Variants in PRR16 observed in about 807,000 individuals in gnomAD.
PRR16 encodes the protein protein Largen.
PRR16 carries 6 observed loss-of-function variants against 18.2 expected under a neutral mutation model. The ratio of observed to expected loss-of-function variants is 0.33; its 90% CI spans 0.18 to 0.65. The LOEUF (loss-of-function observed/expected upper bound fraction) is 0.65, where lower values mean the gene tolerates loss of function less well. Among genes scored for constraint, PRR16 ranks in the 30% least tolerant of loss-of-function variants. The probability of loss-of-function intolerance (pLI) is 0.74; values close to 1 mark genes in which losing one functional copy is unlikely to be tolerated. For missense variants in PRR16, 412 were observed against 376.6 expected (o/e 1.09, Z -0.78); for synonymous variants, 151 against 147.8 (o/e 1.02, Z -0.16).
chr5:120,662,863 G>A (rs185665481), intron 1 of PRR16, among the ~76,000 whole-genome samples: 2 of 152,196 alleles, frequency 1.3e-5, no homozygotes, highest in African/African-American at 4.8e-5. Flanking sequence ...GAATAGGGGT[G>A]GAGGACAATC....
chr5:120,632,353 C>T (rs973188024), intron 1 of PRR16, among the ~76,000 whole-genome samples: 1 of 151,890 alleles, frequency 6.6e-6, no homozygotes, highest in African/African-American at 2.4e-5. Flanking sequence ...ACCAGCTCAC[C>T]AGCAATATAT....
At chr5:120,775,389 C>T in the PRR16 span, among the ~76,000 whole-genome samples, 4 of 152,092 alleles carry the variant, frequency 2.6e-5, no homozygotes, top group Non-Finnish European at 5.9e-5. Context: ...TCATTTTCAA[C>T]TTCAATTATT....
chr5:120,464,449 G>A lies in PRR16; in HGVS notation c.-38G>A. The A allele has an allele frequency of 6.5e-7, 1 of 1,532,294 alleles. No individual in the cohort carries two copies. Among genetic ancestry groups the A allele is most frequent in the Non-Finnish European group, 8.7e-7 (1 of 1,143,666 alleles). The allele number at this position is 1,532,294 out of a possible 1,614,324, so 94.9% of individuals were successfully genotyped here. On this transcript the variant is annotated 5_prime_UTR_variant, in exon 1 of 2. Coordinates refer to ENST00000407149, the MANE Select transcript of PRR16 (RefSeq NM_001300783.2). ...CGGGGGCACGCAGCAGCCTCCGCTC[G>A]CCCGCCTGTCCTGACCTGCCTCGCT...
the PRR16 span, among the ~76,000 whole-genome samples, chr5:120,723,580 A>G: frequency 6.6e-6 from 1 of 152,020 alleles, no homozygotes; most frequent in Non-Finnish European, 1.5e-5. Flanking sequence ...ATTTGACAAT[A>G]CAAGTCATTT....
the PRR16 span, among the ~76,000 whole-genome samples, chr5:120,756,856 A>G: frequency 2.0e-5 from 3 of 152,046 alleles, no homozygotes; most frequent in African/African-American, 7.2e-5. Context: ...AACTTAGTAT[A>G]AATTCTTTCC....
the PRR16 span, among the ~76,000 whole-genome samples, chr5:120,739,470 A>G: frequency 6.6e-6 from 1 of 152,152 alleles, no homozygotes; most frequent in East Asian, 1.9e-4. Context: ...CTTTAAAACA[A>G]AGACAGTTGC....
At chr5:120,591,932 A>G (rs2112775646) in intron 1 of PRR16, among the ~76,000 whole-genome samples, 1 of 152,304 alleles carries the variant, frequency 6.6e-6, no homozygotes, top group African/African-American at 2.4e-5. Flanking sequence ...ACATGCTGAA[A>G]CAGTTTTGTA....
At chr5:120,703,995 T>C in the PRR16 span, among the ~76,000 whole-genome samples, 1 of 152,356 alleles carries the variant, frequency 6.6e-6, no homozygotes, top group African/African-American at 2.4e-5. Context: ...TAGATACTGA[T>C]GATACAGCTG....
chr5:120,710,525 T>G, the PRR16 span, among the ~76,000 whole-genome samples: 1 of 152,190 alleles, frequency 6.6e-6, no homozygotes, highest in African/African-American at 2.4e-5. Context: ...AACTACCACA[T>G]GCATGGTAGC....
chr5:120,566,137 TCCATAGTGAGTTCCTGATAAAAAGGAG>T (rs1463366894), intron 1 of PRR16, among the ~76,000 whole-genome samples: 2 of 152,234 alleles, frequency 1.3e-5, no homozygotes, highest in Non-Finnish European at 2.9e-5. Flanking sequence ...TGCTGTTATT[TCCATAGTGAGTTCCTGATAAAAAGGAG>T]CCCAGCCCCA....
At chr5:120,741,985 GT>G in the PRR16 span, among the ~76,000 whole-genome samples, 2 of 151,936 alleles carry the variant, frequency 1.3e-5, no homozygotes, top group Admixed American at 6.5e-5. Context: ...ATCATAATTT[GT>G]TATTAAATTT....
intron 1 of PRR16, among the ~76,000 whole-genome samples, chr5:120,505,585 T>C (rs1462355684): frequency 6.6e-6 from 1 of 152,152 alleles, no homozygotes; most frequent in South Asian, 2.1e-4. Context: ...AGGATGAAGA[T>C]TGAATGCATT....
intron 1 of PRR16, among the ~76,000 whole-genome samples, chr5:120,544,475 C>A (rs1388280213): frequency 6.6e-6 from 1 of 151,990 alleles, no homozygotes; most frequent in Non-Finnish European, 1.5e-5. Flanking sequence ...CCTTTCTCAT[C>A]AAAACCTAGT....
chr5:120,758,273 T>A, the PRR16 span, among the ~76,000 whole-genome samples: 2 of 150,342 alleles, frequency 1.3e-5, no homozygotes, highest in African/African-American at 4.8e-5. Context: ...ATTTTCATAA[T>A]AAGTGAAAGT....
intron 1 of PRR16, among the ~76,000 whole-genome samples, chr5:120,602,165 C>G (rs1369310692): frequency 1.3e-5 from 2 of 151,866 alleles, no homozygotes; most frequent in Non-Finnish European, 2.9e-5. Context: ...TAATATGTTT[C>G]TTTTAACAAT....
At chr5:120,696,320 A>AT in the PRR16 span, among the ~76,000 whole-genome samples, 1 of 151,254 alleles carries the variant, frequency 6.6e-6, no homozygotes, top group Admixed American at 6.6e-5. Flanking sequence ...CAAAATATAT[A>AT]TAAAAAAATT....
intron 1 of PRR16, among the ~76,000 whole-genome samples, chr5:120,676,503 A>ATT: frequency 8.3e-6 from 1 of 120,878 alleles, no homozygotes; most frequent in African/African-American, 3.1e-5. Context: ...GATTATGTTT[A>ATT]TTTTATATAT....
chr5:120,592,769 A>C (rs932539887), intron 1 of PRR16, among the ~76,000 whole-genome samples: 2 of 152,116 alleles, frequency 1.3e-5, no homozygotes, highest in African/African-American at 4.8e-5. Context: ...TATGTAGAAG[A>C]ATTTCATTAC....
intron 1 of PRR16, among the ~76,000 whole-genome samples, chr5:120,660,839 A>C (rs919860870): frequency 3.4e-4 from 51 of 152,136 alleles, no homozygotes; most frequent in Non-Finnish European, 5.9e-5. Context: ...ATGGAATATA[A>C]AAAGCAAAAA....
Sources: allele counts gnomAD v4.1 joint callset (sites outside exome capture counted in the v4.1 genomes callset), GRCh38; gene constraint gnomAD v4.1.1; transcripts MANE v1.5; gene names NCBI Gene and HGNC (gene_info 2026-07-23, HGNC 2026-07-21).